RGS7: variants seen among roughly 807,000 people sequenced by gnomAD.
RGS7 encodes the protein regulator of G-protein signaling 7.
A neutral mutation model predicts 81.1 loss-of-function variants in RGS7; 27 were observed. The ratio of observed to expected loss-of-function variants is 0.33; its 90% CI spans 0.25 to 0.46. The LOEUF (loss-of-function observed/expected upper bound fraction) is 0.46, where lower values mean the gene tolerates loss of function less well. Ranked by LOEUF, RGS7 falls within the 20% of genes least tolerant of loss-of-function variation. The probability of loss-of-function intolerance (pLI) is 1.00; values close to 1 mark genes in which losing one functional copy is unlikely to be tolerated. For synonymous variants in RGS7, 208 were observed against 207.7 expected (o/e 1.00, Z -0.01); for missense variants, 396 against 607.4 (o/e 0.65, Z 3.66).
chr1:240,806,521 T>C (rs1261280225), intron 14 of RGS7, among the ~76,000 whole-genome samples, 195 bp from the exon 15 acceptor site: 1 of 149,156 alleles, frequency 6.7e-6, no homozygotes, highest in African/African-American at 2.4e-5. Context: ...AAAATAATTA[T>C]TAATAAAAAT....
chr1:241,338,370 T>G (rs1188222658), intron 2 of RGS7, among the ~76,000 whole-genome samples: 3 of 152,192 alleles, frequency 2.0e-5, no homozygotes, highest in Non-Finnish European at 4.4e-5. Flanking sequence ...TAAGCAGCTT[T>G]TGCTTTATTA....
intron 4 of RGS7, among the ~76,000 whole-genome samples, chr1:240,961,815 T>C (rs1263177965): frequency 6.6e-6 from 1 of 152,194 alleles, no homozygotes; most frequent in South Asian, 2.1e-4. Context: ...TTCCACATTC[T>C]ATCTTTAATT....
intron 3 of RGS7, among the ~76,000 whole-genome samples, chr1:240,990,528 G>A (rs573570831): frequency 1.3e-5 from 2 of 152,298 alleles, no homozygotes; most frequent in Non-Finnish European, 1.5e-5. Context: ...ATATGATTTT[G>A]TGTTTTTATG....
At chr1:241,143,346 C>A (rs919625294) in intron 2 of RGS7, among the ~76,000 whole-genome samples, 2 of 152,158 alleles carry the variant, frequency 1.3e-5, no homozygotes, top group African/African-American at 4.8e-5. Context: ...TAATGACATA[C>A]CTGAGACTTG....
At chr1:240,817,911 T>C (rs1430869868) in intron 10 of RGS7, among the ~76,000 whole-genome samples, 1 of 152,106 alleles carries the variant, frequency 6.6e-6, no homozygotes, top group African/African-American at 2.4e-5. Context: ...CCTCCGTCCT[T>C]TTTTTGGTGC....
chr1:240,784,189 A>C, intron 18 of RGS7, among the ~76,000 whole-genome samples: 1 of 105,850 alleles, frequency 9.4e-6, no homozygotes, highest in East Asian at 2.7e-4. Flanking sequence ...CTCTGTCTCG[A>C]AAAAAAAACA....
chr1:241,229,497 G>A (rs968306104), intron 2 of RGS7, among the ~76,000 whole-genome samples: 2 of 152,188 alleles, frequency 1.3e-5, no homozygotes, highest in Non-Finnish European at 2.9e-5. Flanking sequence ...GTCATCCGGT[G>A]CCATCTGTCT....
chr1:241,032,209 T>C (rs2060115292), intron 3 of RGS7, among the ~76,000 whole-genome samples: 1 of 152,184 alleles, frequency 6.6e-6, no homozygotes. Flanking sequence ...CCAAATTTTC[T>C]AGCACCATTT....
At chr1:241,318,866 G>A (rs374652342) in intron 2 of RGS7, among the ~76,000 whole-genome samples, 3 of 152,168 alleles carry the variant, frequency 2.0e-5, no homozygotes, top group South Asian at 2.1e-4. Flanking sequence ...ATACATATTC[G>A]ATTTGCTTCA....
chr1:240,775,096 T>C (rs909001470), downstream of RGS7, among the ~76,000 whole-genome samples: 3 of 152,174 alleles, frequency 2.0e-5, no homozygotes, highest in Non-Finnish European at 4.4e-5. Flanking sequence ...AAATAATCTG[T>C]AACCTCCAAA....
At chr1:240,901,050 G>A (rs1669920558) in intron 6 of RGS7, among the ~76,000 whole-genome samples, 1 of 152,194 alleles carries the variant, frequency 6.6e-6, no homozygotes, top group East Asian at 1.9e-4. Flanking sequence ...AGACTGCTGT[G>A]CTAGCAGTGA....
chr1:241,034,308 G>A (rs2060225357), intron 3 of RGS7, among the ~76,000 whole-genome samples: 1 of 152,212 alleles, frequency 6.6e-6, no homozygotes, highest in South Asian at 2.1e-4. Context: ...AAATGACTTT[G>A]AAATGTCAAG....
In RGS7 at chr1:240,983,107, C is replaced by A; in HGVS notation, c.198G>T (p.Leu66Phe). The A allele has an allele frequency of 6.5e-7, 1 of 1,545,268 alleles. No individual in the cohort carries two copies. The highest frequency in any genetic ancestry group is 1.1e-5 in the South Asian group (1 of 88,256). ...VFSGSDIVQW[L>F]IKNLTIEDPV... ...GATCTTCTATAGTTAAGTTCTTTAT[C>A]AACCATTGAACAATGTCTGAACCTA... is the stretch of plus-strand genomic sequence containing the variant. The change falls in exon 4 of 19, where the codon TTG (leucine) becomes TTT (phenylalanine). Residue 66 changes from leucine (L) to phenylalanine (F), a missense_variant. Transcript: ENST00000440928.
At chr1:241,054,338 C>T (rs1190464758) in intron 3 of RGS7, among the ~76,000 whole-genome samples, 3 of 152,130 alleles carry the variant, frequency 2.0e-5, no homozygotes, top group Non-Finnish European at 2.9e-5. Flanking sequence ...CAGAAGGCAG[C>T]CAAACTCCTG....
chr1:241,037,854 A>G (rs568460812), intron 3 of RGS7, among the ~76,000 whole-genome samples: 80 of 152,328 alleles, frequency 5.3e-4, no homozygotes, highest in South Asian at 1.0e-3. Context: ...TTTTAAGTGA[A>G]GTAACTCAAG....
At position 241,250,272 on chromosome 1, in the gene RGS7, CAG is replaced by C. The variant is rs143448997; in HGVS notation, c.78+105425_78+105426del. Among the ~76,000 whole-genome samples, 1,473 of 152,172 alleles carry C rather than the reference CAG, an allele frequency of 9.7e-3. 11 individuals are homozygous for C. The highest frequency in any genetic ancestry group is 0.018 in the African/African-American group (752 of 41,540). On this transcript the variant is annotated intron_variant, in intron 2 of 18. Coordinates refer to ENST00000440928, the MANE Select transcript of RGS7 (RefSeq NM_001364886.1). ...TCTAAATCATTTTTAAAAGGAAAGA[CAG>C]AGAATTTTATCGAGGGGGAGGAATC... is the stretch of plus-strand genomic sequence containing the variant.
At chr1:240,881,085 A>T (rs1271576397) in intron 6 of RGS7, among the ~76,000 whole-genome samples, 1 of 152,198 alleles carries the variant, frequency 6.6e-6, no homozygotes, top group African/African-American at 2.4e-5. Flanking sequence ...AAAAACACAT[A>T]CTGCAATTAT....
downstream of RGS7, among the ~76,000 whole-genome samples, chr1:240,774,828 C>T (rs1682757039): frequency 6.6e-6 from 1 of 152,104 alleles, no homozygotes; most frequent in Non-Finnish European, 1.5e-5. Flanking sequence ...TTCAAGCAAC[C>T]TTCCAACAAT....
intron 2 of RGS7, among the ~76,000 whole-genome samples, chr1:241,251,046 C>A (rs2076803190): frequency 6.6e-6 from 1 of 152,178 alleles, no homozygotes; most frequent in Admixed American, 6.5e-5. Flanking sequence ...AGGTCAAAGC[C>A]ATCTTTCACG....
Sources: gnomAD v4.1 joint callset for allele counts (sites outside exome capture counted in the v4.1 genomes callset) on GRCh38, gnomAD v4.1.1 for gene constraint, MANE v1.5 for transcripts, NCBI Gene and HGNC (gene_info 2026-07-23, HGNC 2026-07-21) for gene names.